MYO15A: variants seen among roughly 807,000 people sequenced by gnomAD.
MYO15A encodes the protein unconventional myosin-XV.
A neutral mutation model predicts 394.6 loss-of-function variants in MYO15A; 308 were observed. The ratio of observed to expected loss-of-function variants is 0.78; its 90% CI spans 0.71 to 0.86. MYO15A has a LOEUF of 0.86. Among genes scored for constraint, MYO15A ranks in the 40% least tolerant of loss-of-function variants. The pLI, the probability that MYO15A is intolerant of heterozygous loss-of-function variation, is 0.00. For synonymous variants in MYO15A, 1,957 were observed against 2,003.8 expected (o/e 0.98, Z 0.62); for missense variants, 4,606 against 4,799.1 (o/e 0.96, Z 1.19).
chr17:18,150,486 G>A lies in MYO15A; in HGVS notation c.7270G>A (p.Gly2424Arg), dbSNP rs2046560040. Reference protein sequence around the residue: ...YRMKGGGQPGGGSSSGTEDTP... With the variant: ...YRMKGGGQPGRGSSSGTEDTP... ...CATGAAAGGGGGAGGCCAGCCCGGT[G>A]GAGGCAGCAGTAGTGGTACTGAAGA... The change falls in exon 36 of 66, where the codon GGA (glycine) becomes AGA (arginine). Residue 2424 changes from glycine to arginine, a missense_variant. Physicochemically the swap from Gly to Arg is moderately radical, Grantham distance 125. Coordinates refer to ENST00000647165, the MANE Select transcript of MYO15A (RefSeq NM_016239.4). The surrounding 1 kb of genome is among the most constrained non-coding windows in gnomAD (Gnocchi z 4.4). The A allele has an allele frequency of 6.2e-7, 1 of 1,614,062 alleles. No homozygotes were observed. The highest frequency in any genetic ancestry group is 1.7e-5 in the Admixed American group (1 of 60,002).
chr17:18,139,079 A>C, intron 18 of MYO15A, 143 bp downstream of exon 18: 2 of 1,274,832 alleles, frequency 1.6e-6, no homozygotes, highest in Non-Finnish European at 2.2e-6. Flanking sequence ...GACCTTGAGC[A>C]AATTGCTTAG....
Position 18,167,642 on chromosome 17 carries a change from C to T in MYO15A, c.10001C>T (p.Pro3334Leu), listed in dbSNP as rs1233436421. The T allele has an allele frequency of 6.2e-7, 1 of 1,604,134 alleles. No individual in the cohort carries two copies. Among genetic ancestry groups the T allele is most frequent in the Middle Eastern group, 1.6e-4 (1 of 6,062 alleles). ...GLFSSVPASRPSEQLLQQVSK... is the reference protein window; with the variant it reads ...GLFSSVPASRLSEQLLQQVSK... ...TTCAGCAGTGTGCCGGCCAGCCGGC[C>T]CAGCGAGCAGCTGCTGCAGCAGGTG... The change falls in exon 62 of 66, where the codon CCC becomes CTC. Residue 3334 changes from proline to leucine, a missense_variant. Physicochemically the swap from Pro to Leu is moderately conservative, Grantham distance 98 (BLOSUM62 -3). Around this residue, in one of 2 missense-constraint regions of MYO15A, gnomAD observed 2,776 missense variants for 3,109.3 expected, o/e 0.89. Transcript: ENST00000647165.
At position 18,124,540 on chromosome 17, in the gene MYO15A, G is replaced by A. The variant is rs1449333218; in HGVS notation, c.3667G>A (p.Gly1223Ser). ...GTTCCGTGAGCAGCACGGGGAGGAT[G>A]GTGTGGAGGACATGACACAGCTGGA... ...MRFREQHGED[G>S]VEDMTQLEDL... is the part of the protein sequence containing the mutation. Residue 1223 changes from glycine to serine, a missense_variant, in exon 3 of 66, where the codon GGT (glycine) becomes AGT (serine). By Grantham distance (56) the Gly-to-Ser change is moderately conservative (BLOSUM62 0). Transcript: ENST00000647165. 3.1e-6 allele frequency: 5 copies of A among 1,613,106 alleles called. No homozygotes were observed. In the Admixed American group the frequency reaches 6.7e-5, roughly 22 times the overall value.
rs772049171 is a variant in MYO15A at position 18,154,219 on chromosome 17, A to C, written c.8148+29A>C. On this transcript the variant is annotated intron_variant, in intron 44 of 65. Transcript: ENST00000647165. ...AGGTCCTGTCTCCCCTTTCTGCCTC[A>C]GTGAACTCAGCAGGGCTGTGTGGAC... The C allele has an allele frequency of 2.5e-6, 4 of 1,612,624 alleles. No homozygotes were observed. The South Asian group carries it at 4.4e-5, about 18-fold the overall frequency.
chr17:18,175,292 C>CTTTTTTTTTTTTTTTTTTTTT lies in MYO15A; in HGVS notation c.10491+1387_10491+1388insTTTTTTTTTTTTTTTTTTTTT, dbSNP rs1182500584. Among the ~76,000 whole-genome samples the CTTTTTTTTTTTTTTTTTTTTT allele has an allele frequency of 1.3e-4, 12 of 91,286 alleles. 1 individual carries two copies. The highest frequency in any genetic ancestry group is 2.4e-4 in the Admixed American group (2 of 8,308). 59.9% of individuals were successfully genotyped at this position (91,286 alleles called of 152,430 possible). A position where few individuals can be genotyped will look rare whatever the true frequency, so the allele number is the denominator to read the frequency against. On this transcript the variant is annotated intron_variant, in intron 65 of 65. Transcript: ENST00000647165. ...TCTGGTCTTTCCTCCTCTAGACTAT[C>CTTTTTTTTTTTTTTTTTTTTT]TTTTTTTTTTTTTTTTGAGGCAAAG...
At chr17:18,157,262 G>T in intron 50 of MYO15A, 32 bp downstream of exon 50, 1 of 1,575,430 alleles carries the variant, frequency 6.3e-7, no homozygotes, top group Non-Finnish European at 8.6e-7. Context: ...ACCCCATACG[G>T]GGCGCATCCT....
At chr17:18,172,782 C>T in intron 64 of MYO15A, 1 of 257,652 alleles carries the variant, frequency 3.9e-6, no homozygotes, top group Non-Finnish European at 7.6e-6. Context: ...GGACATCTGT[C>T]ATATTGGAGT....
At chr17:18,169,561 C>T (rs1194500552) in intron 62 of MYO15A, 1 of 151,822 alleles carries the variant, frequency 6.6e-6, no homozygotes, top group African/African-American at 2.4e-5. Flanking sequence ...TGCTTGAACG[C>T]AAGAGGCAGA....
chr17:18,130,816 CAGTGTGTGTGTG>C lies in MYO15A; in HGVS notation c.4038+7_4038+18del, dbSNP rs771080976. On this transcript the variant is annotated splice_region_variant and intron_variant, in intron 8 of 65. Coordinates refer to ENST00000647165, the MANE Select transcript of MYO15A (RefSeq NM_016239.4). ...GGACGCTCTTGAAGATAAAGGTACT[CAGTGTGTGTGTG>C]TGTGTGTGTGTGTGTGTGTGTGTGT... is the stretch of plus-strand genomic sequence containing the variant. 6.0e-6 allele frequency: 8 copies of C among 1,335,776 alleles called. No homozygotes were observed. In the East Asian group the frequency reaches 1.3e-4, roughly 22 times the overall value. The allele number at this position is 1,335,776 out of a possible 1,614,324, so 82.7% of individuals were successfully genotyped here.
In MYO15A at chr17:18,133,259, C is replaced by T; in HGVS notation, c.4355C>T (p.Ala1452Val). 6.2e-7 allele frequency: 1 copy of T among 1,614,172 alleles called. No homozygotes were observed. Among genetic ancestry groups the T allele is most frequent in the Non-Finnish European group, 8.5e-7 (1 of 1,180,026 alleles). The change falls in exon 12 of 66, where the codon GCA (alanine) becomes GTA (valine). Residue 1452 changes from alanine to valine, a missense_variant. By Grantham distance (64) the Ala-to-Val change is moderately conservative. This residue lies in a region of MYO15A where 2,776 missense variants were observed against 3,109.3 expected (regional missense o/e 0.89). Coordinates refer to ENST00000647165, the MANE Select transcript of MYO15A (RefSeq NM_016239.4). ...TGTGAGATAGCAGGAAAGAGCGATG[C>T]AGATGACTTTCGCCGGCTCCTGGCT... ...GNCEIAGKSD[A>V]DDFRRLLAAM...
chr17:18,142,975 C>A, intron 25 of MYO15A, 135 bp downstream of exon 25: 1 of 794,702 alleles, frequency 1.3e-6, no homozygotes, highest in Non-Finnish European at 2.2e-6. Context: ...AGCTCTTTAA[C>A]TTTGGCCATT....
Position 18,147,652 on chromosome 17 carries a change from C to G in MYO15A, c.6510-377C>G, listed in dbSNP as rs997051908. Among the ~76,000 whole-genome samples the G allele has an allele frequency of 6.6e-6, 1 of 152,180 alleles. No homozygotes were observed. Among genetic ancestry groups the G allele is most frequent in the Non-Finnish European group, 1.5e-5 (1 of 68,036 alleles). On this transcript the variant is annotated intron_variant, in intron 30 of 65. Transcript: ENST00000647165. The surrounding 1 kb of genome is among the most constrained non-coding windows in gnomAD (Gnocchi z 4.4). ...AGTTCTGGTTGTTGCCCACACCCAG[C>G]TGCAGACCCCAGCCTGTCAATGACA...
intron 1 of MYO15A, among the ~76,000 whole-genome samples, chr17:18,111,994 A>G (rs959025280): frequency 1.3e-5 from 2 of 152,206 alleles, no homozygotes; most frequent in Non-Finnish European, 2.9e-5. Context: ...TGCCTCTCTG[A>G]GAGGCAGGTT....
chr17:18,146,145 G>A (rs1386640526), intron 30 of MYO15A, 38 bp downstream of exon 30: 8 of 1,595,370 alleles, frequency 5.0e-6, no homozygotes, highest in Middle Eastern at 1.7e-4. Context: ...CACGAGGGAC[G>A]GTGGCACCAG....
Position 18,142,746 on chromosome 17 carries a change from C to T in MYO15A, c.5826-10C>T. The T allele has an allele frequency of 1.2e-6, 2 of 1,613,220 alleles. No homozygotes were observed. The highest frequency in any genetic ancestry group is 2.2e-5 in the East Asian group (1 of 44,866). ...CCCCAATCCCTGACCTCCCCACTAC[C>T]CCAACCCAGGCAACGCTATCAGCAG... On this transcript the variant is annotated splice_polypyrimidine_tract_variant and intron_variant, in intron 24 of 65. Coordinates refer to ENST00000647165, the MANE Select transcript of MYO15A (RefSeq NM_016239.4).
At chr17:18,144,140 G>T in intron 28 of MYO15A, 140 bp downstream of exon 28, 1 of 1,402,602 alleles carries the variant, frequency 7.1e-7, no homozygotes, top group Non-Finnish European at 9.8e-7. Context: ...GGATCATAGG[G>T]AATCTGGGAG....
At chr17:18,165,772 C>G (rs1388163698) in intron 60 of MYO15A, among the ~76,000 whole-genome samples, 1 of 152,194 alleles carries the variant, frequency 6.6e-6, no homozygotes, top group African/African-American at 2.4e-5. Flanking sequence ...ATACCAAACT[C>G]CCTCTCTTTA....
At chr17:18,133,466 T>C in intron 12 of MYO15A, 80 bp downstream of exon 12, 1 of 1,565,266 alleles carries the variant, frequency 6.4e-7, no homozygotes, top group South Asian at 1.1e-5. Flanking sequence ...TCTGTTTCCC[T>C]TTCAGATTAC....
chr17:18,162,409 T>A (rs1206456354), intron 57 of MYO15A, among the ~76,000 whole-genome samples, 176 bp from the exon 58 acceptor site: 6 of 152,204 alleles, frequency 3.9e-5, no homozygotes, highest in African/African-American at 1.4e-4. Context: ...GCTCTTGACC[T>A]TGGGCAAGTC....
Sources: allele counts gnomAD v4.1 joint callset (sites outside exome capture counted in the v4.1 genomes callset), GRCh38; gene constraint gnomAD v4.1.1; regional missense constraint gnomAD v4.1.1; non-coding constraint Gnocchi (gnomAD v3.1); transcripts MANE v1.5; gene names NCBI Gene and HGNC (gene_info 2026-07-23, HGNC 2026-07-21).